The following RAPGEF5 variants were observed in gnomAD, a reference collection of about 807,000 sequenced individuals.
RAPGEF5 encodes M-Ras-regulated GEF.
Under a neutral mutation model 125.2 loss-of-function variants are expected in RAPGEF5, and 65 were observed. The observed-to-expected ratio is 0.52, with a 90% CI of 0.43 to 0.64. The LOEUF is 0.64. RAPGEF5 is among the 30% of genes least tolerant of loss of function. The pLI is 0.00. For synonymous variants in RAPGEF5, 391 were observed against 385.9 expected, an observed-to-expected ratio of 1.01 and a Z score of -0.16; for missense variants, 958 against 1,048.1, an observed-to-expected ratio of 0.91 and a Z score of 1.19.
intron 6 of RAPGEF5, among the ~76,000 whole-genome samples, chr7:22,278,837 C>T (rs973194584): frequency 2.8e-4 from 43 of 151,490 alleles, no homozygotes; most frequent in Non-Finnish European, 5.2e-4. Flanking sequence ...GGGCACTGTT[C>T]CAAATATTTT....
intron 1 of RAPGEF5, among the ~76,000 whole-genome samples, chr7:22,330,969 C>T (rs946230846): frequency 6.6e-6 from 1 of 152,168 alleles, no homozygotes; most frequent in Non-Finnish European, 1.5e-5. Context: ...ATATAGGACG[C>T]TAGCTTCATT....
At chr7:22,249,086 A>T (rs184208644) in intron 7 of RAPGEF5, among the ~76,000 whole-genome samples, 35 of 152,366 alleles carry the variant, frequency 2.3e-4, no homozygotes, top group African/African-American at 8.2e-4. Context: ...ACTTCTTGGC[A>T]AAAGGAGAAC....
At chr7:22,263,417 C>T (rs10224482) in intron 7 of RAPGEF5, among the ~76,000 whole-genome samples, 1 of 151,964 alleles carries the variant, frequency 6.6e-6, no homozygotes, top group South Asian at 2.1e-4. Context: ...TATAATATAT[C>T]ATATCTGCAT....
intron 25 of RAPGEF5, among the ~76,000 whole-genome samples, chr7:22,124,626 C>A (rs1782680488): frequency 6.6e-6 from 1 of 152,116 alleles, no homozygotes; most frequent in Non-Finnish European, 1.5e-5. Context: ...AGAAGTAGGA[C>A]TCTGATTTTC....
At chr7:22,180,061 G>A (rs959673766) in intron 11 of RAPGEF5, among the ~76,000 whole-genome samples, 1 of 152,172 alleles carries the variant, frequency 6.6e-6, no homozygotes, top group Admixed American at 6.5e-5. Flanking sequence ...TCTTGCGTGA[G>A]ACACAAAGAC....
intron 1 of RAPGEF5, among the ~76,000 whole-genome samples, chr7:22,324,844 C>A (rs1783782259): frequency 6.6e-6 from 1 of 152,160 alleles, no homozygotes; most frequent in Admixed American, 6.5e-5. Flanking sequence ...ATTTTTAACA[C>A]AACAAACATA....
At chr7:22,154,671 TC>T in intron 16 of RAPGEF5, 67 bp from the exon 17 acceptor site, 1 of 1,538,212 alleles carries the variant, frequency 6.5e-7, no homozygotes, top group Middle Eastern at 2.2e-4. Flanking sequence ...CTTTTCCAAA[TC>T]AAGGCACCTT....
At chr7:22,239,906 C>G (rs116508445) in intron 7 of RAPGEF5, among the ~76,000 whole-genome samples, 1,745 of 152,108 alleles carry the variant, frequency 0.011, 44 homozygotes, top group African/African-American at 0.039. Context: ...AGGAAATGTA[C>G]TGGAAAAAAG....
chr7:22,341,512 C>T (rs1784128952), intron 1 of RAPGEF5, among the ~76,000 whole-genome samples: 2 of 152,208 alleles, frequency 1.3e-5, no homozygotes. Context: ...ACTCAAAAGT[C>T]CACAGTCCAA....
chr7:22,308,119 T>A (rs903021385), intron 5 of RAPGEF5, among the ~76,000 whole-genome samples: 2 of 152,216 alleles, frequency 1.3e-5, no homozygotes, highest in Admixed American at 6.5e-5. Flanking sequence ...ATGGTACAGA[T>A]GGTTAGGCAT....
intron 7 of RAPGEF5, among the ~76,000 whole-genome samples, chr7:22,252,137 T>G (rs756900982): frequency 6.6e-6 from 1 of 152,164 alleles, no homozygotes; most frequent in Admixed American, 6.5e-5. Context: ...GCTCAATGTC[T>G]CAGGAAACTG....
At chr7:22,269,390 T>G (rs1282163053) in intron 6 of RAPGEF5, among the ~76,000 whole-genome samples, 3 of 152,106 alleles carry the variant, frequency 2.0e-5, no homozygotes, top group African/African-American at 7.2e-5. Flanking sequence ...GGCTGGAAAC[T>G]CCACTGAGGC....
chr7:22,356,985 C>T lies in RAPGEF5; in HGVS notation c.76G>A (p.Val26Met). The T allele has an allele frequency of 9.7e-7, 1 of 1,026,192 alleles. No homozygotes were observed. The highest frequency in any genetic ancestry group is 1.2e-6 in the Non-Finnish European group (1 of 858,600). 63.6% of individuals were successfully genotyped at this position (1,026,192 alleles called of 1,614,324 possible). Reference sequence around the variant, plus strand: ...CGGCGCAGGGGGCCGTCTGCCGCCACCACCGCCGCCGCGGCGGCCAGGGCC... The same window carrying T: ...CGGCGCAGGGGGCCGTCTGCCGCCATCACCGCCGCCGCGGCGGCCAGGGCC... ...SPALAAAAAV[V>M]AADGPLRRSP... The change falls in exon 1 of 26, where the codon GTG becomes ATG. Residue 26 changes from valine to methionine, a missense_variant. Physicochemically the swap from Val to Met is conservative, Grantham distance 21 (BLOSUM62 1). Transcript: ENST00000665637.
Position 22,356,886 on chromosome 7 carries a change from C to T in RAPGEF5, c.175G>A (p.Ala59Thr). Residue 59 changes from alanine (A) to threonine (T), a missense_variant, in exon 1 of 26, where the codon GCG becomes ACG. Transcript: ENST00000665637. ...SLRPRLRDLP[A>T]LLRSGLTLRR... ...AGCGTGAGCCCGCTCCGCAGCAGCG[C>T]GGGCAGGTCCCTCAGCCGCGGCCGC... 3 of 1,147,910 alleles carry T rather than the reference C, an allele frequency of 2.6e-6. No individual in the cohort carries two copies. The highest frequency in any genetic ancestry group is 4.8e-5 in the Admixed American group (1 of 20,818). The allele number at this position is 1,147,910 out of a possible 1,614,324, so 71.1% of individuals were successfully genotyped here. A position where few individuals can be genotyped will look rare whatever the true frequency, so the allele number is the denominator to read the frequency against.
chr7:22,284,088 T>TGTGC (rs4000939), intron 6 of RAPGEF5, among the ~76,000 whole-genome samples: 28,787 of 151,190 alleles, frequency 0.19, 3,092 homozygotes, highest in East Asian at 0.5. Flanking sequence ...TGTGTGTGTG[T>TGTGC]GCGCGTGCAT....
At chr7:22,244,434 G>A (rs1435861943) in intron 7 of RAPGEF5, among the ~76,000 whole-genome samples, 1 of 152,084 alleles carries the variant, frequency 6.6e-6, no homozygotes, top group Non-Finnish European at 1.5e-5. Context: ...CGGATCAGTA[G>A]CGGCATTAGA....
intron 21 of RAPGEF5, among the ~76,000 whole-genome samples, chr7:22,138,494 C>T (rs528103817): frequency 1.4e-5 from 2 of 147,816 alleles, no homozygotes; most frequent in African/African-American, 2.5e-5. Flanking sequence ...TCCATTCATC[C>T]AGTCACCAGA....
intron 1 of RAPGEF5, among the ~76,000 whole-genome samples, chr7:22,343,664 A>AC (rs1215537464): frequency 3.9e-5 from 6 of 151,940 alleles, no homozygotes; most frequent in African/African-American, 1.5e-4. Context: ...GATCTGGATG[A>AC]CCCCCCAAAC....
intron 6 of RAPGEF5, among the ~76,000 whole-genome samples, chr7:22,287,623 C>T (rs181075570): frequency 2.3e-4 from 35 of 152,306 alleles, no homozygotes; most frequent in Admixed American, 3.9e-4. Flanking sequence ...GCATTACAGA[C>T]GTCACTTCTG....
Sources: gnomAD v4.1 joint callset for allele counts (sites outside exome capture counted in the v4.1 genomes callset) on GRCh38, gnomAD v4.1.1 for gene constraint, MANE v1.5 for transcripts, NCBI Gene and HGNC (gene_info 2026-07-23, HGNC 2026-07-21) for gene names.